The following SAMD14 variants were observed in gnomAD, a reference collection of about 807,000 sequenced individuals.
SAMD14 encodes the protein sterile alpha motif domain-containing protein 14.
Under a neutral mutation model 46.2 loss-of-function variants are expected in SAMD14, and 27 were observed. The observed-to-expected ratio is 0.58, with a 90% CI of 0.43 to 0.81. The LOEUF is 0.81. Among genes scored for constraint, SAMD14 ranks in the 30% least tolerant of loss-of-function variants. The pLI is 0.00. For synonymous variants in SAMD14, 241 were observed against 254.3 expected (o/e 0.95, Z 0.50); for missense variants, 559 against 582.2 (o/e 0.96, Z 0.41).
Position 50,112,847 on chromosome 17 carries a change from A to G in SAMD14, c.*46T>C, listed in dbSNP as rs759672857. On this transcript the variant is annotated 3_prime_UTR_variant, in exon 10 of 10. Coordinates refer to ENST00000330175, the MANE Select transcript of SAMD14 (RefSeq NM_001257359.2). The stretch of plus-strand genomic sequence containing the variant: ...TCCCTGGTGAGGCCTGTGCCCGCGG[A>G]GCCAGTGGCTGCCCCTGCCGGGTGC... 1.3e-6 allele frequency: 2 copies of G among 1,577,702 alleles called. No individual in the cohort carries two copies. The highest frequency in any genetic ancestry group is 2.3e-5 in the South Asian group (2 of 88,452).
At chr17:50,116,363 G>T in intron 4 of SAMD14, 1 of 328,818 alleles carries the variant, frequency 3.0e-6, no homozygotes, top group Non-Finnish European at 5.6e-6. Context: ...CAAAAAGGTA[G>T]GAATCACTAC....
At position 50,112,830 on chromosome 17, in the gene SAMD14, G is replaced by A. The variant is rs1598219917; in HGVS notation, c.*63C>T. The A allele has an allele frequency of 1.3e-6, 2 of 1,551,140 alleles. 1 individual carries two copies. The highest frequency in any genetic ancestry group is 2.7e-5 in the African/African-American group (2 of 73,092). ...AGCGCCCAGGTCCAGCCTCCCTGGT[G>A]AGGCCTGTGCCCGCGGAGCCAGTGG... On this transcript the variant is annotated 3_prime_UTR_variant, in exon 10 of 10. Transcript: ENST00000330175.
chr17:50,124,023 G>T (rs1428347299), intron 2 of SAMD14: 1 of 452,424 alleles, frequency 2.2e-6, no homozygotes, highest in African/African-American at 2.0e-5. Flanking sequence ...AGAAGGGAGA[G>T]ATGAGGAGAA....
chr17:50,114,349 C>T (rs1911060747), intron 7 of SAMD14, 43 bp from the exon 8 acceptor site: 2 of 1,614,086 alleles, frequency 1.2e-6, no homozygotes, highest in Non-Finnish European at 1.7e-6. Context: ...AGTTCACCCC[C>T]AACCCACCAT....
chr17:50,123,733 T>C (rs1598233012), intron 2 of SAMD14: 2 of 216,218 alleles, frequency 9.2e-6, no homozygotes, highest in East Asian at 2.3e-4. Context: ...CATAAATATT[T>C]AATGGCCTTT....
chr17:50,117,421 T>C lies in SAMD14; in HGVS notation c.485A>G (p.Glu162Gly). The C allele has an allele frequency of 1.5e-6, 2 of 1,337,942 alleles. No homozygotes were observed. The highest frequency in any genetic ancestry group is 1.9e-6 in the Non-Finnish European group (2 of 1,049,912). The allele number at this position is 1,337,942 out of a possible 1,614,324, so 82.9% of individuals were successfully genotyped here. ...PSFVRRHPRA[E>G]PHSEDDSRDA... ...CCGCCTCTCACCTTCGCTGTGCGGC[T>C]CTGCGCGCGGGTGGCGGCGCACGAA... Residue 162 changes from glutamate to glycine, a missense_variant, in exon 4 of 10, where the codon GAG (glutamate) becomes GGG (glycine). By Grantham distance (98) the Glu-to-Gly change is moderately conservative (BLOSUM62 -2). Transcript: ENST00000330175.
intron 2 of SAMD14, among the ~76,000 whole-genome samples, chr17:50,121,942 G>A (rs2036989792): frequency 6.6e-6 from 1 of 152,214 alleles, no homozygotes; most frequent in African/African-American, 2.4e-5. Flanking sequence ...TTATAGGGTG[G>A]TTGTGAGCAT....
chr17:50,115,685 G>T lies in SAMD14; in HGVS notation c.701C>A (p.Pro234Gln), dbSNP rs148602607. 6.2e-7 allele frequency: 1 copy of T among 1,607,374 alleles called. No homozygotes were observed. Among genetic ancestry groups the T allele is most frequent in the Non-Finnish European group, 8.5e-7 (1 of 1,175,692 alleles). ...CGTGAACCAGGAAAAAGGCAGGAAC[G>T]GGGAGCCCCCTGACCTGCCGGACCC... Reference protein sequence around the residue: ...VEGSGRSGGSPFLPFSWFTDS... With the variant: ...VEGSGRSGGSQFLPFSWFTDS... The change falls in exon 7 of 10, where the codon CCG becomes CAG. Residue 234 changes from proline (P) to glutamine (Q), a missense_variant. Transcript: ENST00000330175. The surrounding 1 kb of genome is among the most constrained non-coding windows in gnomAD (Gnocchi z 5.3).
intron 2 of SAMD14, among the ~76,000 whole-genome samples, chr17:50,120,737 T>G (rs577350306): frequency 6.6e-6 from 1 of 152,278 alleles, no homozygotes; most frequent in East Asian, 1.9e-4. Flanking sequence ...TTGCAGGGCC[T>G]TTGCACCTCC....
intron 2 of SAMD14, among the ~76,000 whole-genome samples, chr17:50,123,326 A>C (rs576328635): frequency 6.6e-6 from 1 of 152,282 alleles, no homozygotes; most frequent in East Asian, 1.9e-4. Context: ...CATTGTATGG[A>C]TGGGAAAACT....
At position 50,114,100 on chromosome 17, in the gene SAMD14, G is replaced by A. The variant is rs1454456059; in HGVS notation, c.943-21C>T. The A allele has an allele frequency of 3.1e-6, 5 of 1,613,678 alleles. No individual in the cohort carries two copies. In the South Asian group the frequency reaches 3.3e-5, roughly 11 times the overall value. ...AGGAACTGGGCAGAGACCAAGGAGA[G>A]TGAGGGGGAGGCTTGGCCTGTGACC... On this transcript the variant is annotated intron_variant, in intron 8 of 9. Coordinates refer to ENST00000330175, the MANE Select transcript of SAMD14 (RefSeq NM_001257359.2).
intron 1 of SAMD14, among the ~76,000 whole-genome samples, chr17:50,126,712 T>C (rs1481962834): frequency 2.0e-5 from 3 of 152,204 alleles, no homozygotes; most frequent in Admixed American, 2.0e-4. Flanking sequence ...TGCATGCTTA[T>C]AATCCTAGCT....
chr17:50,115,822 C>T lies in SAMD14; in HGVS notation c.662+8G>A. On this transcript the variant is annotated splice_region_variant and intron_variant, in intron 6 of 9. Transcript: ENST00000330175. The surrounding 1 kb of genome is among the most constrained non-coding windows in gnomAD (Gnocchi z 5.3). ...AGCTGTGGGTGGGCCGCCATGGGCACCTCTCACCTGCTGCCCATGGACAGT... is the reference window on the plus strand; with the variant it reads ...AGCTGTGGGTGGGCCGCCATGGGCATCTCTCACCTGCTGCCCATGGACAGT... 3 of 1,612,774 alleles carry T rather than the reference C, an allele frequency of 1.9e-6. No homozygotes were observed. The highest frequency in any genetic ancestry group is 2.5e-6 in the Non-Finnish European group (3 of 1,179,906).
chr17:50,118,105 TG>T, intron 3 of SAMD14, 55 bp downstream of exon 3: 1 of 1,269,280 alleles, frequency 7.9e-7, no homozygotes, highest in Non-Finnish European at 1.0e-6. Context: ...TATCCAGGGG[TG>T]GGAGGAGAGG....
Position 50,129,452 on chromosome 17 carries a change from C to G in SAMD14, c.-13+65G>C, listed in dbSNP as rs1226588104. The G allele has an allele frequency of 6.6e-6, 1 of 152,358 alleles. No individual in the cohort carries two copies. Among genetic ancestry groups the G allele is most frequent in the Non-Finnish European group, 1.5e-5 (1 of 68,152 alleles). The allele number at this position is 152,358 out of a possible 1,614,324, so 9.4% of individuals were successfully genotyped here. ...GCCCTGCCCAACCCCACTCAGGGTC[C>G]CACCGCGGGCCCGAGTGGCCCTAGC... On this transcript the variant is annotated intron_variant, in intron 1 of 9. Coordinates refer to ENST00000330175, the MANE Select transcript of SAMD14 (RefSeq NM_001257359.2). This position sits in a 1 kb window ranked among gnomAD's most constrained non-coding sequence, Gnocchi z 5.6.
At position 50,115,447 on chromosome 17, in the gene SAMD14, T is replaced by C; in HGVS notation, c.822+117A>G. The C allele has an allele frequency of 4.4e-6, 5 of 1,130,180 alleles. No homozygotes were observed. The highest frequency in any genetic ancestry group is 3.1e-5 in the African/African-American group (2 of 64,364). 70.0% of individuals were successfully genotyped at this position (1,130,180 alleles called of 1,614,324 possible). A position where few individuals can be genotyped will look rare whatever the true frequency, so the allele number is the denominator to read the frequency against. On this transcript the variant is annotated intron_variant, in intron 7 of 9. Coordinates refer to ENST00000330175, the MANE Select transcript of SAMD14 (RefSeq NM_001257359.2). This position sits in a 1 kb window ranked among gnomAD's most constrained non-coding sequence, Gnocchi z 5.3. ...AGTAACGGATCACTGCATGGCTCCA[T>C]GGATGGACAAATTGATTCCAGGAAT...
chr17:50,113,827 C>T, intron 9 of SAMD14, 97 bp downstream of exon 9: 1 of 1,482,356 alleles, frequency 6.7e-7, no homozygotes, highest in African/African-American at 1.4e-5. Flanking sequence ...GCCCAGGAGG[C>T]TGGGCTGAGG....
chr17:50,118,049 A>T lies in SAMD14; in HGVS notation c.210+112T>A. ...TAACACTTGGCAGCATTACTAGGTC[A>T]GGAGTCTGGGGATGTGGTTTCCCTG... is the stretch of plus-strand genomic sequence containing the variant. On this transcript the variant is annotated intron_variant, in intron 3 of 9. Transcript: ENST00000330175. 4 of 1,168,676 alleles carry T rather than the reference A, an allele frequency of 3.4e-6. No individual in the cohort carries two copies. In the South Asian group the frequency reaches 6.3e-5, roughly 18 times the overall value. 72.4% of individuals were successfully genotyped at this position (1,168,676 alleles called of 1,614,324 possible). A position where few individuals can be genotyped will look rare whatever the true frequency, so the allele number is the denominator to read the frequency against.
chr17:50,117,669 C>T lies in SAMD14; in HGVS notation c.237G>A (p.Leu79=). 6.7e-7 allele frequency: 1 copy of T among 1,502,974 alleles called. No homozygotes were observed. The allele number at this position is 1,502,974 out of a possible 1,614,324, so 93.1% of individuals were successfully genotyped here. The change falls in exon 4 of 10, where the codon CTG becomes CTA. Residue 79 remains leucine (L), a synonymous_variant. Coordinates refer to ENST00000330175, the MANE Select transcript of SAMD14 (RefSeq NM_001257359.2). ...GKVTDGCGSP[L]HRLRSPLHSG... Reference sequence around the variant, plus strand: ...AGTGCAAAGGCGAGCGCAGCCGGTGCAGGGGGCTCCCGCAGCCATCGGTCA... The same window carrying T: ...AGTGCAAAGGCGAGCGCAGCCGGTGTAGGGGGCTCCCGCAGCCATCGGTCA...
Sources: gnomAD v4.1 joint callset for allele counts (sites outside exome capture counted in the v4.1 genomes callset) on GRCh38, gnomAD v4.1.1 for gene constraint, Gnocchi (gnomAD v3.1) non-coding constraint, MANE v1.5 for transcripts, NCBI Gene and HGNC (gene_info 2026-07-23, HGNC 2026-07-21) for gene names.